Variants in TDRP observed in about 807,000 individuals in gnomAD.
TDRP encodes testis development-related protein.
A neutral mutation model predicts 10.5 loss-of-function variants in TDRP; 12 were observed. The ratio of observed to expected loss-of-function variants is 1.15; its 90% CI spans 0.73 to 1.86. The LOEUF is 1.86. TDRP is among the 40% of genes most tolerant of loss of function. The pLI is 0.00. For missense variants in TDRP, 353 were observed against 229.2 expected, an observed-to-expected ratio of 1.54 and a Z score of -3.49; for synonymous variants, 139 against 95.4, an observed-to-expected ratio of 1.46 and a Z score of -2.67.
Position 490,989 on chromosome 8 carries a change from G to A in TDRP, c.*1410C>T, listed in dbSNP as rs2116697787. On this transcript the variant is annotated 3_prime_UTR_variant, in exon 3 of 3. Transcript: ENST00000324079. ...GGATGATTGATAGGTATAAGTGATT[G>A]ACACAGATTATAGATTTAGCTAGAT... 1 of 152,366 alleles carries A rather than the reference G, an allele frequency of 6.6e-6. No homozygotes were observed. The highest frequency in any genetic ancestry group is 2.4e-5 in the African/African-American group (1 of 41,586). 9.4% of individuals were successfully genotyped at this position (152,366 alleles called of 1,614,324 possible).
intron 1 of TDRP, among the ~76,000 whole-genome samples, chr8:524,089 C>T (rs934486152): frequency 1.2e-4 from 18 of 152,208 alleles, no homozygotes; most frequent in African/African-American, 3.6e-4. Context: ...CAGTTCCCAG[C>T]AGTTCAGCAC....
At chr8:523,546 C>T (rs917959849) in intron 1 of TDRP, among the ~76,000 whole-genome samples, 1 of 152,186 alleles carries the variant, frequency 6.6e-6, no homozygotes, top group African/African-American at 2.4e-5. Context: ...TCTGGACTTG[C>T]CCTGGGCCAA....
At chr8:527,628 C>G (rs1465223095) in intron 1 of TDRP, among the ~76,000 whole-genome samples, 4 of 152,016 alleles carry the variant, frequency 2.6e-5, no homozygotes, top group Non-Finnish European at 4.4e-5. Context: ...TCATTTTTTA[C>G]AAAGATACCA....
At chr8:538,293 T>A (rs1474122231) in intron 1 of TDRP, among the ~76,000 whole-genome samples, 1 of 152,110 alleles carries the variant, frequency 6.6e-6, no homozygotes, top group Non-Finnish European at 1.5e-5. Flanking sequence ...CAATCAGACA[T>A]CAAGGGTGAG....
intron 1 of TDRP, among the ~76,000 whole-genome samples, chr8:514,868 G>T (rs1179540693): frequency 1.3e-5 from 2 of 152,134 alleles, no homozygotes; most frequent in Non-Finnish European, 1.5e-5. Context: ...CAACAGGCAG[G>T]AGAGTTTTCT....
At chr8:511,385 A>G (rs911676123) in intron 1 of TDRP, among the ~76,000 whole-genome samples, 2 of 152,052 alleles carry the variant, frequency 1.3e-5, no homozygotes, top group Non-Finnish European at 2.9e-5. Flanking sequence ...AGAGAATTTC[A>G]TCAAAATAAA....
chr8:500,716 G>T (rs1037076367), intron 1 of TDRP, among the ~76,000 whole-genome samples: 2 of 152,184 alleles, frequency 1.3e-5, no homozygotes, highest in Non-Finnish European at 2.9e-5. Context: ...CACAGGAAGG[G>T]CAGGTGTATC....
At chr8:544,168 G>C (rs1802573420) in intron 1 of TDRP, among the ~76,000 whole-genome samples, 1 of 152,250 alleles carries the variant, frequency 6.6e-6, no homozygotes, top group Admixed American at 6.5e-5. Context: ...GTCGTCCAAA[G>C]CTGCTTAGTG....
intron 1 of TDRP, among the ~76,000 whole-genome samples, chr8:544,252 G>C (rs1161871153): frequency 6.6e-6 from 1 of 152,046 alleles, no homozygotes; most frequent in Non-Finnish European, 1.5e-5. Context: ...GCGAGCACCC[G>C]GCGTGGACCT....
In TDRP at chr8:490,711, A is replaced by C. The variant is rs146688494; in HGVS notation, c.*1688T>G. ...TACCTGAGGAAACTTAGAATTTGTC[A>C]ACTTAGCTGTTATACTAAAAATTAT... On this transcript the variant is annotated 3_prime_UTR_variant, in exon 3 of 3. Coordinates refer to ENST00000324079, the MANE Select transcript of TDRP (RefSeq NM_001384899.1). The C allele has an allele frequency of 1.8e-4, 27 of 152,354 alleles. No individual in the cohort carries two copies. Among genetic ancestry groups the C allele is most frequent in the African/African-American group, 6.5e-4 (27 of 41,582 alleles). The allele number at this position is 152,354 out of a possible 1,614,324, so 9.4% of individuals were successfully genotyped here. A position where few individuals can be genotyped will look rare whatever the true frequency, so the allele number is the denominator to read the frequency against.
At chr8:541,933 CA>C (rs1227062713) in intron 1 of TDRP, among the ~76,000 whole-genome samples, 2 of 152,182 alleles carry the variant, frequency 1.3e-5, no homozygotes, top group East Asian at 1.9e-4. Flanking sequence ...TAAATTCACA[CA>C]AAAACCTGCA....
chr8:539,980 T>C (rs1802450106), intron 1 of TDRP, among the ~76,000 whole-genome samples: 1 of 152,258 alleles, frequency 6.6e-6, no homozygotes, highest in Non-Finnish European at 1.5e-5. Context: ...AGTGAAAATA[T>C]GTCAAAAATT....
At position 490,919 on chromosome 8, in the gene TDRP, T is replaced by C. The variant is rs1040099917; in HGVS notation, c.*1480A>G. The C allele has an allele frequency of 2.6e-5, 4 of 152,082 alleles. No homozygotes were observed. In the East Asian group the frequency reaches 7.7e-4, roughly 29 times the overall value. The allele number at this position is 152,082 out of a possible 1,614,324, so 9.4% of individuals were successfully genotyped here. On this transcript the variant is annotated 3_prime_UTR_variant, in exon 3 of 3. Transcript: ENST00000324079. The stretch of plus-strand genomic sequence containing the variant: ...GATGATTGACAGAAGGCTAGATGGA[T>C]GTAGACTGAGAGAAGACAGACATAG...
At chr8:498,338 A>G (rs1328627639) in intron 1 of TDRP, among the ~76,000 whole-genome samples, 3 of 152,192 alleles carry the variant, frequency 2.0e-5, no homozygotes, top group African/African-American at 7.2e-5. Context: ...CATGCCCTGG[A>G]TATGAGACAT....
intron 1 of TDRP, among the ~76,000 whole-genome samples, chr8:516,311 C>A (rs1010024103): frequency 6.6e-6 from 1 of 151,912 alleles, no homozygotes; most frequent in Non-Finnish European, 1.5e-5. Flanking sequence ...ATAAAACATT[C>A]AAGAGAATGA....
intron 1 of TDRP, among the ~76,000 whole-genome samples, chr8:518,595 G>C (rs1012909270): frequency 6.6e-6 from 1 of 150,852 alleles, no homozygotes; most frequent in Non-Finnish European, 1.5e-5. Context: ...TATTTTGAGA[G>C]AAAAGGATCT....
At chr8:511,801 T>C (rs1200612376) in intron 1 of TDRP, among the ~76,000 whole-genome samples, 1 of 152,196 alleles carries the variant, frequency 6.6e-6, no homozygotes, top group Non-Finnish European at 1.5e-5. Context: ...CTCAAATATG[T>C]GGAAATTTTA....
chr8:492,247 A>T lies in TDRP; in HGVS notation c.*152T>A, dbSNP rs971385588. ...TCACCAAGGAGTCACAGTGTGTGTG[A>T]GAGTTCATTAAATAAAGAAACAGAG... is the stretch of plus-strand genomic sequence containing the variant. On this transcript the variant is annotated 3_prime_UTR_variant, in exon 3 of 3. Coordinates refer to ENST00000324079, the MANE Select transcript of TDRP (RefSeq NM_001384899.1). 3 of 1,338,914 alleles carry T rather than the reference A, an allele frequency of 2.2e-6. No individual in the cohort carries two copies. Among genetic ancestry groups the T allele is most frequent in the African/African-American group, 1.5e-5 (1 of 67,658 alleles). 82.9% of individuals were successfully genotyped at this position (1,338,914 alleles called of 1,614,324 possible). A position where few individuals can be genotyped will look rare whatever the true frequency, so the allele number is the denominator to read the frequency against.
chr8:532,870 G>A (rs944030687), intron 1 of TDRP, among the ~76,000 whole-genome samples: 1 of 151,998 alleles, frequency 6.6e-6, no homozygotes, highest in Non-Finnish European at 1.5e-5. Context: ...GCCTACGGCT[G>A]CTTTCACCTG....
Sources: gnomAD v4.1 joint callset for allele counts (sites outside exome capture counted in the v4.1 genomes callset) on GRCh38, gnomAD v4.1.1 for gene constraint, MANE v1.5 for transcripts, NCBI Gene and HGNC (gene_info 2026-07-23, HGNC 2026-07-21) for gene names.